Variants in TRIM9 observed in about 807,000 individuals in gnomAD.
TRIM9 encodes tripartite motif containing 9.
In TRIM9, 26 loss-of-function variants were observed where a neutral mutation model predicts 78.3. That is an observed-to-expected ratio of 0.33 (90% CI 0.24 to 0.46). The LOEUF is 0.46. Among genes scored for constraint, TRIM9 ranks in the 20% least tolerant of loss-of-function variants. The probability of loss-of-function intolerance (pLI) is 1.00; values close to 1 mark genes in which losing one functional copy is unlikely to be tolerated. For missense variants in TRIM9, 787 were observed against 1,036.4 expected, an observed-to-expected ratio of 0.76 and a Z score of 3.30; for synonymous variants, 398 against 416.5, an observed-to-expected ratio of 0.96 and a Z score of 0.54.
intron 1 of TRIM9, 82 bp downstream of exon 1, chr14:51,094,036 G>T (rs113809928): frequency 0.01 from 14,840 of 1,421,986 alleles, 206 homozygotes; most frequent in South Asian, 0.047. Flanking sequence ...GATGCGCTGT[G>T]CGCAAGAGAC....
chr14:50,992,984 T>G (rs1314407112), intron 7 of TRIM9, among the ~76,000 whole-genome samples: 1 of 152,186 alleles, frequency 6.6e-6, no homozygotes, highest in Non-Finnish European at 1.5e-5. Flanking sequence ...CTCCCCATTT[T>G]CCCTCCCAGT....
intron 1 of TRIM9, chr14:51,090,577 C>G (rs1411564176): frequency 6.6e-6 from 1 of 152,124 alleles, no homozygotes; most frequent in Non-Finnish European, 1.5e-5. Flanking sequence ...ATAATTGTTA[C>G]AAATATGTTA....
intron 1 of TRIM9, among the ~76,000 whole-genome samples, chr14:51,063,925 T>C (rs2061542675): frequency 6.6e-6 from 1 of 152,114 alleles, no homozygotes; most frequent in Admixed American, 6.5e-5. Flanking sequence ...TGGGCATAAA[T>C]ACATATATGT....
chr14:50,985,862 A>G, intron 8 of TRIM9, 94 bp downstream of exon 8: 1 of 1,151,072 alleles, frequency 8.7e-7, no homozygotes, highest in Admixed American at 3.3e-5. Context: ...CATCCCCCTC[A>G]CCACGCACAT....
chr14:51,018,103 T>G (rs906160289), intron 3 of TRIM9, among the ~76,000 whole-genome samples: 1 of 152,224 alleles, frequency 6.6e-6, no homozygotes, highest in African/African-American at 2.4e-5. Flanking sequence ...GTGTGCCTAA[T>G]TTTTCCAAAT....
At position 50,998,042 on chromosome 14, in the gene TRIM9, G is replaced by A. The variant is rs1478088997; in HGVS notation, c.1603+8C>T. ...CTCGCTCTGAGGGATACTGCTGAAGGGCCTTACCCTCAGACGTTTGGAGGA... is the reference window on the plus strand; with the variant it reads ...CTCGCTCTGAGGGATACTGCTGAAGAGCCTTACCCTCAGACGTTTGGAGGA... On this transcript the variant is annotated splice_region_variant and intron_variant, in intron 7 of 12. Transcript: ENST00000684578. 1 of 1,614,138 alleles carries A rather than the reference G, an allele frequency of 6.2e-7. No homozygotes were observed. Among genetic ancestry groups the A allele is most frequent in the Non-Finnish European group, 8.5e-7 (1 of 1,180,016 alleles).
intron 7 of TRIM9, chr14:50,996,910 T>C: frequency 2.0e-6 from 2 of 985,432 alleles, no homozygotes; most frequent in Non-Finnish European, 2.4e-6. Context: ...GGGCCTTTCA[T>C]CCTTGCTGTA....
intron 1 of TRIM9, among the ~76,000 whole-genome samples, chr14:51,062,921 C>T (rs1046619331): frequency 1.3e-5 from 2 of 152,100 alleles, no homozygotes; most frequent in African/African-American, 4.8e-5. Context: ...CCAAAATCCA[C>T]CCTAACAAAG....
chr14:50,977,491 C>T lies in TRIM9; in HGVS notation c.2326-138G>A, dbSNP rs115762966. 2.5e-3 allele frequency: 1,416 copies of T among 564,962 alleles called. 16 individuals carry two copies. The highest frequency in any genetic ancestry group is 0.025 in the African/African-American group (1,267 of 51,562). 35.0% of individuals were successfully genotyped at this position (564,962 alleles called of 1,614,324 possible). On this transcript the variant is annotated intron_variant, in intron 12 of 12. Coordinates refer to ENST00000684578, the MANE Select transcript of TRIM9 (RefSeq NM_001387360.1). ...AACATCTAGGCTAGCAGGCATTAAACGGAATTCAAGAAGAATCCTGCCTAT... is the reference window on the plus strand; with the variant it reads ...AACATCTAGGCTAGCAGGCATTAAATGGAATTCAAGAAGAATCCTGCCTAT...
chr14:50,985,533 C>G (rs1180908125), intron 8 of TRIM9, among the ~76,000 whole-genome samples: 1 of 152,174 alleles, frequency 6.6e-6, no homozygotes, highest in African/African-American at 2.4e-5. Flanking sequence ...CCACTCCAGG[C>G]TGGATGCACT....
Position 51,094,576 on chromosome 14 carries a change from G to T in TRIM9, c.364C>A (p.Arg122Ser). ...TGGGGGCAGGTGATACAGGAGTTGC[G>T]GGGCACCGGGGCCAGGGCCGGTGAC... ...HLSPALAPVP[R>S]NSCITCPQCH... is the part of the protein sequence containing the mutation. Residue 122 changes from arginine to serine, a missense_variant, in exon 1 of 13, where the codon CGC (arginine) becomes AGC (serine). Arg to Ser is a moderately radical substitution (Grantham distance 110). This residue lies in a region of TRIM9 where 352 missense variants were observed against 472.3 expected (regional missense o/e 0.75). Transcript: ENST00000684578. 1 of 1,612,026 alleles carries T rather than the reference G, an allele frequency of 6.2e-7. No homozygotes were observed. The highest frequency in any genetic ancestry group is 8.5e-7 in the Non-Finnish European group (1 of 1,179,408).
rs562695488 is a variant in TRIM9 at position 51,055,102 on chromosome 14, G to A, written c.823-29742C>T. Among the ~76,000 whole-genome samples the A allele has an allele frequency of 5.9e-5, 9 of 152,314 alleles. No homozygotes were observed. The East Asian group carries it at 1.3e-3, about 23-fold the overall frequency. Reference sequence around the variant, plus strand: ...CTCCCAAAGTGCTGGGATTACAGGCGTGAGCCACCGTGCCCGGCCCTTATA... The same window carrying A: ...CTCCCAAAGTGCTGGGATTACAGGCATGAGCCACCGTGCCCGGCCCTTATA... On this transcript the variant is annotated intron_variant, in intron 1 of 12. Coordinates refer to ENST00000684578, the MANE Select transcript of TRIM9 (RefSeq NM_001387360.1).
At position 51,049,716 on chromosome 14, in the gene TRIM9, C is replaced by T. The variant is rs1277940108; in HGVS notation, c.823-24356G>A. ...TGGTGGGTGCCTGTAATTCTAGCTA[C>T]TCGGGAGATTGAGGCAGAGAATTGC... On this transcript the variant is annotated intron_variant, in intron 1 of 12. Transcript: ENST00000684578. Among the ~76,000 whole-genome samples, 6 of 151,588 alleles carry T rather than the reference C, an allele frequency of 4.0e-5. No individual in the cohort carries two copies. In the East Asian group the frequency reaches 1.2e-3, roughly 29 times the overall value.
chr14:51,051,142 G>T (rs2060383909), intron 1 of TRIM9, among the ~76,000 whole-genome samples: 1 of 152,122 alleles, frequency 6.6e-6, no homozygotes, highest in Non-Finnish European at 1.5e-5. Flanking sequence ...TTTTAGTAAG[G>T]AATTCATATG....
chr14:51,093,603 G>A (rs921444437), intron 1 of TRIM9, among the ~76,000 whole-genome samples: 3 of 152,174 alleles, frequency 2.0e-5, no homozygotes, highest in African/African-American at 7.2e-5. Context: ...TCAGTATTCC[G>A]CCTGCGGCGT....
intron 3 of TRIM9, among the ~76,000 whole-genome samples, chr14:51,022,617 C>T (rs2057861921): frequency 6.6e-6 from 1 of 152,168 alleles, no homozygotes; most frequent in Admixed American, 6.5e-5. Flanking sequence ...CAGTTCCTGG[C>T]TGAGAAAAGT....
At chr14:51,032,471 C>T (rs1211425879) in intron 1 of TRIM9, among the ~76,000 whole-genome samples, 1 of 152,258 alleles carries the variant, frequency 6.6e-6, no homozygotes, top group African/African-American at 2.4e-5. Context: ...ATGTCCCCTT[C>T]TGGGGATGTC....
Position 51,094,403 on chromosome 14 carries a change from G to A in TRIM9, c.537C>T (p.Thr179=), listed in dbSNP as rs139791188. Residue 179 remains threonine (T), a synonymous_variant, in exon 1 of 13, where the codon ACC becomes ACT. Transcript: ENST00000684578. ...QLCEKAPKEA[T]VMCEQCDVFY... ...AGACATCGCACTGTTCGCACATGAC[G>A]GTGGCTTCCTTGGGCGCCTTCTCGC... is the stretch of plus-strand genomic sequence containing the variant. 9.0e-5 allele frequency: 146 copies of A among 1,613,808 alleles called. No individual in the cohort carries two copies. Among genetic ancestry groups the A allele is most frequent in the Non-Finnish European group, 1.1e-4 (129 of 1,180,012 alleles).
chr14:51,025,182 A>G (rs1596203948), intron 2 of TRIM9, 83 bp downstream of exon 2: 1 of 1,254,036 alleles, frequency 8.0e-7, no homozygotes, highest in East Asian at 2.3e-5. Context: ...ACACATAAAA[A>G]TAAAAGAGGA....
Sources: gnomAD v4.1 joint callset for allele counts (sites outside exome capture counted in the v4.1 genomes callset) on GRCh38, gnomAD v4.1.1 for gene constraint, gnomAD v4.1.1 regional missense constraint, MANE v1.5 for transcripts, NCBI Gene and HGNC (gene_info 2026-07-23, HGNC 2026-07-21) for gene names.